The following ADAMTSL1 variants were observed in gnomAD, a reference collection of about 807,000 sequenced individuals.
The protein encoded by ADAMTSL1 is ADAMTS-like protein 1.
ADAMTSL1 carries 126 observed loss-of-function variants against 201.8 expected under a neutral mutation model. That is an observed-to-expected ratio of 0.62 (90% CI 0.54 to 0.72). The LOEUF is 0.72. Among genes scored for constraint, ADAMTSL1 ranks in the 30% least tolerant of loss-of-function variants. The probability of loss-of-function intolerance (pLI) is 0.00; values close to 1 mark genes in which losing one functional copy is unlikely to be tolerated. For synonymous variants in ADAMTSL1, 1,121 were observed against 903.4 expected (o/e 1.24, Z -4.32); for missense variants, 2,679 against 2,277.8 (o/e 1.18, Z -3.59).
intron 1 of ADAMTSL1, among the ~76,000 whole-genome samples, chr9:18,121,571 A>G (rs1304467591): frequency 6.6e-6 from 1 of 152,206 alleles, no homozygotes; most frequent in Non-Finnish European, 1.5e-5. Context: ...AACTATAAGG[A>G]AAAGTTATTT....
At chr9:17,931,851 T>A (rs1470171550) in intron 1 of ADAMTSL1, among the ~76,000 whole-genome samples, 1 of 152,078 alleles carries the variant, frequency 6.6e-6, no homozygotes, top group Non-Finnish European at 1.5e-5. Context: ...AGCTCCCAAA[T>A]CCATGGATCT....
chr9:18,575,043 A>T (rs955187708), intron 4 of ADAMTSL1, among the ~76,000 whole-genome samples: 2 of 152,226 alleles, frequency 1.3e-5, no homozygotes, highest in East Asian at 3.8e-4. Context: ...CATGAAGCAG[A>T]CACAAAATTT....
intron 1 of ADAMTSL1, among the ~76,000 whole-genome samples, chr9:18,017,952 T>C (rs1320609008): frequency 1.3e-5 from 2 of 152,080 alleles, no homozygotes; most frequent in Non-Finnish European, 2.9e-5. Flanking sequence ...CCATTATCTT[T>C]GTTGTTCTAA....
At chr9:18,281,573 C>G (rs1177170923) in intron 2 of ADAMTSL1, among the ~76,000 whole-genome samples, 1 of 152,158 alleles carries the variant, frequency 6.6e-6, no homozygotes, top group African/African-American at 2.4e-5. Flanking sequence ...ACAAAAAGGT[C>G]AACTTATTTT....
intron 2 of ADAMTSL1, among the ~76,000 whole-genome samples, chr9:18,260,794 T>G (rs1016729033): frequency 6.6e-6 from 1 of 151,910 alleles, no homozygotes; most frequent in African/African-American, 2.4e-5. Context: ...ACGGGGGAGG[T>G]GAAGCCAAAT....
intron 1 of ADAMTSL1, among the ~76,000 whole-genome samples, chr9:17,990,606 T>A (rs1819115917): frequency 6.6e-6 from 1 of 152,128 alleles, no homozygotes; most frequent in African/African-American, 2.4e-5. Context: ...CTCATTATAC[T>A]TAATTTCCTG....
At chr9:18,673,008 G>A (rs1311393240) in intron 9 of ADAMTSL1, among the ~76,000 whole-genome samples, 1 of 152,074 alleles carries the variant, frequency 6.6e-6, no homozygotes, top group Non-Finnish European at 1.5e-5. Flanking sequence ...GAAGGCACTG[G>A]AGAATGAGTT....
intron 26 of ADAMTSL1, among the ~76,000 whole-genome samples, chr9:18,902,402 C>CA (rs1434883295): frequency 2.6e-5 from 4 of 152,158 alleles, no homozygotes; most frequent in African/African-American, 9.7e-5. Context: ...TGAATGTATA[C>CA]AGAGTATCTT....
At chr9:18,059,048 C>A (rs1161616935) in intron 1 of ADAMTSL1, among the ~76,000 whole-genome samples, 1 of 152,180 alleles carries the variant, frequency 6.6e-6, no homozygotes, top group East Asian at 1.9e-4. Context: ...TAAGATTAAC[C>A]TCTGTTACTT....
At chr9:17,965,751 A>G (rs1817958180) in intron 1 of ADAMTSL1, among the ~76,000 whole-genome samples, 1 of 152,154 alleles carries the variant, frequency 6.6e-6, no homozygotes, top group South Asian at 2.1e-4. Context: ...AGGGCATGTA[A>G]GTACCCATCC....
chr9:18,364,765 G>A (rs1208016577), intron 2 of ADAMTSL1, among the ~76,000 whole-genome samples: 1 of 152,094 alleles, frequency 6.6e-6, no homozygotes, highest in African/African-American at 2.4e-5. Context: ...GGAGGCCTCA[G>A]GAAAGTTACA....
At position 18,542,999 on chromosome 9, in the gene ADAMTSL1, G is replaced by A. The variant is rs937868963; in HGVS notation, c.237+9707G>A. 5.9e-5 allele frequency among the ~76,000 whole-genome samples: 9 copies of A among 152,102 alleles called. No individual in the cohort carries two copies. In the East Asian group the frequency reaches 1.7e-3, roughly 29 times the overall value. On this transcript the variant is annotated intron_variant, in intron 3 of 28. Transcript: ENST00000380548. ...GCTTATAATGGCCCTTCCTTTGGAC[G>A]AACTCTAGAAAAACAGACTTTCTAT...
intron 16 of ADAMTSL1, among the ~76,000 whole-genome samples, chr9:18,765,598 C>G (rs1820312423): frequency 6.6e-6 from 1 of 151,942 alleles, no homozygotes; most frequent in East Asian, 1.9e-4. Context: ...GGGAAACAAA[C>G]AAATAATTAA....
At chr9:17,966,078 A>G (rs1817968623) in intron 1 of ADAMTSL1, among the ~76,000 whole-genome samples, 1 of 152,170 alleles carries the variant, frequency 6.6e-6, no homozygotes, top group Admixed American at 6.5e-5. Context: ...TGTTGCAAAT[A>G]TGGTCCACAT....
rs557591432 is a variant in ADAMTSL1, at chr9:18,254,388, A to C, written c.207+90407A>C. The stretch of plus-strand genomic sequence containing the variant: ...TTTTTTTTTTTTTTTTTTGAGATGG[A>C]ATCTCGCTCTGTCCCCCAGGCTGGA... On this transcript the variant is annotated intron_variant, in intron 2 of 29. Transcript: ENST00000680146. Among the ~76,000 whole-genome samples the C allele has an allele frequency of 2.1e-3, 177 of 84,030 alleles. 1 individual carries two copies. The highest frequency in any genetic ancestry group is 6.9e-3 in the African/African-American group (153 of 22,230). 55.1% of individuals were successfully genotyped at this position (84,030 alleles called of 152,430 possible).
At chr9:18,149,183 C>T (rs953876424) in intron 1 of ADAMTSL1, among the ~76,000 whole-genome samples, 3 of 151,842 alleles carry the variant, frequency 2.0e-5, no homozygotes, top group Non-Finnish European at 2.9e-5. Context: ...TTAGTGAGCT[C>T]GTCATCGGGC....
intron 1 of ADAMTSL1, among the ~76,000 whole-genome samples, chr9:18,163,451 C>A (rs1333772480): frequency 6.6e-6 from 1 of 151,974 alleles, no homozygotes; most frequent in Non-Finnish European, 1.5e-5. Context: ...AAATATTTAA[C>A]TGGACATGGG....
At chr9:17,943,865 G>T (rs910994185) in intron 1 of ADAMTSL1, among the ~76,000 whole-genome samples, 13 of 151,930 alleles carry the variant, frequency 8.6e-5, no homozygotes, top group African/African-American at 2.7e-4. Context: ...TTCTGGGGAG[G>T]CCTCAGGAAG....
chr9:18,365,294 G>A (rs17202635), intron 2 of ADAMTSL1, among the ~76,000 whole-genome samples: 12,421 of 152,088 alleles, frequency 0.082, 701 homozygotes, highest in Middle Eastern at 0.14. Context: ...AGGAATAAAA[G>A]GGAAGTAACA....
Sources: gnomAD v4.1 joint callset for allele counts (sites outside exome capture counted in the v4.1 genomes callset) on GRCh38, gnomAD v4.1.1 for gene constraint, MANE v1.5 for transcripts, NCBI Gene and HGNC (gene_info 2026-07-23, HGNC 2026-07-21) for gene names.